MTUS1: variants seen among roughly 807,000 people sequenced by gnomAD.
MTUS1 encodes the protein microtubule-associated tumor suppressor 1.
Under a neutral mutation model 120.8 loss-of-function variants are expected in MTUS1, and 109 were observed. The ratio of observed to expected loss-of-function variants is 0.90; its 90% CI spans 0.77 to 1.06. MTUS1 has a LOEUF of 1.06. MTUS1 is among the 50% of genes least tolerant of loss of function. The pLI, the probability that MTUS1 is intolerant of heterozygous loss-of-function variation, is 0.00. For synonymous variants in MTUS1, 737 were observed against 550.5 expected, an observed-to-expected ratio of 1.34 and a Z score of -4.74; for missense variants, 2,210 against 1,486.3, an observed-to-expected ratio of 1.49 and a Z score of -8.01.
intron 3 of MTUS1, among the ~76,000 whole-genome samples, chr8:17,743,235 A>T (rs2047471220): frequency 6.6e-6 from 1 of 152,242 alleles, no homozygotes; most frequent in Admixed American, 6.5e-5. Context: ...TAATCTCTTC[A>T]CATGTATTGA....
Position 17,647,022 on chromosome 8 carries a change from C to G in MTUS1, c.3559G>C (p.Glu1187Gln), listed in dbSNP as rs536015331. 2.5e-6 allele frequency: 4 copies of G among 1,613,986 alleles called. No homozygotes were observed. Among genetic ancestry groups the G allele is most frequent in the African/African-American group, 2.7e-5 (2 of 74,984 alleles). ...TGCTTGTCCATCCGAGCTTTCAATT[C>G]TTCATTCTCCTGCTGGAAACGCTTC... is the stretch of plus-strand genomic sequence containing the variant. ...KLKRFQQENE[E>Q]LKARMDKHMA... The change falls in exon 14 of 15, where the codon GAA becomes CAA. Residue 1187 changes from glutamate (E) to glutamine (Q), a missense_variant. Coordinates refer to ENST00000693296, the MANE Select transcript of MTUS1 (RefSeq NM_001363059.2).
At chr8:17,720,652 C>T (rs2045764762) in intron 4 of MTUS1, among the ~76,000 whole-genome samples, 1 of 152,194 alleles carries the variant, frequency 6.6e-6, no homozygotes, top group Admixed American at 6.5e-5. Context: ...AAGTTATACA[C>T]TCTCCCAAGA....
chr8:17,651,978 T>C (rs10503599), intron 12 of MTUS1, among the ~76,000 whole-genome samples: 10,147 of 152,294 alleles, frequency 0.067, 390 homozygotes, highest in Middle Eastern at 0.092. Flanking sequence ...GAATATAAGC[T>C]CATCTAATGT....
At chr8:17,717,319 G>T (rs1349357882) in intron 4 of MTUS1, among the ~76,000 whole-genome samples, 2 of 152,124 alleles carry the variant, frequency 1.3e-5, no homozygotes, top group South Asian at 4.1e-4. Flanking sequence ...TTGACAGGAA[G>T]CTAATGGGAG....
At chr8:17,740,210 A>C (rs2047211417) in intron 3 of MTUS1, among the ~76,000 whole-genome samples, 1 of 105,516 alleles carries the variant, frequency 9.5e-6, no homozygotes, top group Non-Finnish European at 2.3e-5. Context: ...TCCGTCTCAA[A>C]AAAAAAAAAG....
intron 1 of MTUS1, among the ~76,000 whole-genome samples, chr8:17,778,605 C>T (rs1212789674): frequency 6.6e-6 from 1 of 151,668 alleles, no homozygotes; most frequent in Non-Finnish European, 1.5e-5. Context: ...TCCCTTGAGC[C>T]CAGGAGTTCT....
intron 14 of MTUS1, 64 bp from the exon 15 acceptor site, chr8:17,646,203 T>G: frequency 6.9e-7 from 1 of 1,458,714 alleles, no homozygotes; most frequent in Non-Finnish European, 9.1e-7. Context: ...GAAAAATTTT[T>G]CTTAGCGTTT....
chr8:17,799,253 T>C (rs1447686595), intron 1 of MTUS1, among the ~76,000 whole-genome samples: 2 of 149,454 alleles, frequency 1.3e-5, no homozygotes, highest in Non-Finnish European at 2.9e-5. Context: ...ATTTAGTAAG[T>C]GGAAATAAAT....
intron 6 of MTUS1, among the ~76,000 whole-genome samples, chr8:17,711,928 G>A (rs1254808209): frequency 6.6e-6 from 1 of 152,180 alleles, no homozygotes; most frequent in Non-Finnish European, 1.5e-5. Context: ...ACCAGTCAGT[G>A]GAGCACTTGA....
At chr8:17,655,770 T>TA (rs1420503245) in intron 9 of MTUS1, 93 bp downstream of exon 9, 10 of 1,099,936 alleles carry the variant, frequency 9.1e-6, no homozygotes, top group African/African-American at 1.6e-5. Flanking sequence ...CCTATTAGAC[T>TA]AAAAAAGAGA....
chr8:17,675,690 A>C (rs1563181011), intron 7 of MTUS1, among the ~76,000 whole-genome samples: 1 of 152,232 alleles, frequency 6.6e-6, no homozygotes. Context: ...TGCACATAAA[A>C]AAGTTTCGTT....
chr8:17,651,985 A>C (rs1292378868), intron 12 of MTUS1, among the ~76,000 whole-genome samples: 1 of 152,186 alleles, frequency 6.6e-6, no homozygotes, highest in African/African-American at 2.4e-5. Context: ...AGCTCATCTA[A>C]TGTTATCAAA....
chr8:17,652,748 C>T (rs975790015), intron 12 of MTUS1, among the ~76,000 whole-genome samples: 10 of 151,428 alleles, frequency 6.6e-5, no homozygotes, highest in African/African-American at 2.4e-4. Context: ...AGGCAGGAGA[C>T]TCGCTTGAAC....
chr8:17,692,405 A>G (rs774057045), intron 6 of MTUS1, among the ~76,000 whole-genome samples: 3 of 152,184 alleles, frequency 2.0e-5, no homozygotes, highest in Non-Finnish European at 4.4e-5. Flanking sequence ...AGAAGACAGC[A>G]GAGATGAGGA....
intron 2 of MTUS1, chr8:17,748,287 T>G (rs981106112): frequency 1.3e-5 from 2 of 152,132 alleles, no homozygotes; most frequent in East Asian, 3.9e-4. Context: ...TAGGGAAGAT[T>G]ATCTGCCCGT....
chr8:17,749,569 G>C (rs1260280153), intron 2 of MTUS1, among the ~76,000 whole-genome samples: 3 of 149,172 alleles, frequency 2.0e-5, no homozygotes, highest in Non-Finnish European at 3.0e-5. Context: ...GCTGAGGCAA[G>C]AGAATCACTT....
intron 8 of MTUS1, among the ~76,000 whole-genome samples, chr8:17,656,359 CT>C (rs1186607788): frequency 2.0e-5 from 3 of 151,980 alleles, no homozygotes; most frequent in Non-Finnish European, 2.9e-5. Context: ...AAAACCCTGT[CT>C]ATCTTAAAAA....
chr8:17,680,177 T>A (rs1038067618), intron 7 of MTUS1, among the ~76,000 whole-genome samples: 1 of 151,922 alleles, frequency 6.6e-6, no homozygotes, highest in Non-Finnish European at 1.5e-5. Flanking sequence ...CCTGAGTGGG[T>A]TCTGGACTGG....
intron 6 of MTUS1, among the ~76,000 whole-genome samples, chr8:17,706,361 A>G (rs1408860753): frequency 6.6e-6 from 1 of 152,166 alleles, no homozygotes; most frequent in Admixed American, 6.5e-5. Flanking sequence ...ACAAATAGAA[A>G]GCAGCAGGAC....
Sources: gnomAD v4.1 joint callset for allele counts (sites outside exome capture counted in the v4.1 genomes callset) on GRCh38, gnomAD v4.1.1 for gene constraint, MANE v1.5 for transcripts, NCBI Gene and HGNC (gene_info 2026-07-23, HGNC 2026-07-21) for gene names.